SEL1L3: variants seen among roughly 807,000 people sequenced by gnomAD.
The protein encoded by SEL1L3 is protein sel-1 homolog 3.
SEL1L3 carries 76 observed loss-of-function variants against 142.8 expected under a neutral mutation model. The observed-to-expected ratio is 0.53, with a 90% CI of 0.44 to 0.64. SEL1L3 has a LOEUF of 0.64. Among genes scored for constraint, SEL1L3 ranks in the 30% least tolerant of loss-of-function variants. The probability of loss-of-function intolerance (pLI) is 0.00; values close to 1 mark genes in which losing one functional copy is unlikely to be tolerated. For synonymous variants in SEL1L3, 504 were observed against 519.6 expected (o/e 0.97, Z 0.41); for missense variants, 1,262 against 1,381.7 (o/e 0.91, Z 1.37).
chr4:25,780,494 A>G (rs1577591811), intron 15 of SEL1L3, among the ~76,000 whole-genome samples: 2 of 148,000 alleles, frequency 1.4e-5, no homozygotes, highest in Non-Finnish European at 3.0e-5. Context: ...TTTCCACTCC[A>G]CTCCCCTGGC....
chr4:25,799,394 G>A (rs527452932), intron 11 of SEL1L3, among the ~76,000 whole-genome samples: 1 of 152,196 alleles, frequency 6.6e-6, no homozygotes, highest in African/African-American at 2.4e-5. Flanking sequence ...TTTTTATAGG[G>A]ACACCAGTCC....
intron 23 of SEL1L3, among the ~76,000 whole-genome samples, chr4:25,752,433 A>AT (rs1473228822): frequency 6.6e-6 from 1 of 152,064 alleles, no homozygotes; most frequent in African/African-American, 2.4e-5. Flanking sequence ...AAAAAAAAAA[A>AT]AAAAAGTTGA....
chr4:25,767,463 C>T, intron 19 of SEL1L3, 62 bp downstream of exon 19: 1 of 831,980 alleles, frequency 1.2e-6, no homozygotes, highest in Non-Finnish European at 2.0e-6. Flanking sequence ...GTCAGATGTT[C>T]CCTGTTACTA....
chr4:25,722,856 A>G, the SEL1L3 span, among the ~76,000 whole-genome samples: 1 of 152,140 alleles, frequency 6.6e-6, no homozygotes, highest in African/African-American at 2.4e-5. Flanking sequence ...AACCATAAAT[A>G]ATAATAGTAT....
At chr4:25,749,370 T>A (rs1199392657) in intron 23 of SEL1L3, among the ~76,000 whole-genome samples, 8 of 147,502 alleles carry the variant, frequency 5.4e-5, no homozygotes, top group South Asian at 4.3e-4. Context: ...TTTTCTGATT[T>A]AAAAAAAAAA....
intron 13 of SEL1L3, among the ~76,000 whole-genome samples, chr4:25,784,666 G>C (rs1157095909): frequency 6.6e-6 from 1 of 152,188 alleles, no homozygotes; most frequent in Admixed American, 6.5e-5. Flanking sequence ...TATCTGTGTT[G>C]GACAGTCAAG....
chr4:25,782,509 T>A, intron 14 of SEL1L3, 91 bp from the exon 15 acceptor site: 1 of 1,145,562 alleles, frequency 8.7e-7, no homozygotes, highest in Non-Finnish European at 1.2e-6. Context: ...TCTGCCTAAG[T>A]CTGAACAAAA....
intron 16 of SEL1L3, chr4:25,778,040 A>G (rs560499455): frequency 6.7e-6 from 2 of 299,224 alleles, no homozygotes; most frequent in African/African-American, 2.2e-5. Flanking sequence ...ACCAAGCTAC[A>G]TTTCATCTAT....
intron 23 of SEL1L3, among the ~76,000 whole-genome samples, chr4:25,754,776 G>A (rs915025434): frequency 6.6e-6 from 1 of 152,044 alleles, no homozygotes; most frequent in Non-Finnish European, 1.5e-5. Context: ...TGATTCATAT[G>A]CACATTAAAA....
At position 25,767,732 on chromosome 4, in the gene SEL1L3, T is replaced by G. The variant is rs1246434556; in HGVS notation, c.2760+8A>C. 1.9e-6 allele frequency: 3 copies of G among 1,554,804 alleles called. No individual in the cohort carries two copies. The East Asian group carries it at 6.9e-5, about 36-fold the overall frequency. On this transcript the variant is annotated splice_region_variant and intron_variant, in intron 18 of 23. Coordinates refer to ENST00000399878, the MANE Select transcript of SEL1L3 (RefSeq NM_015187.5). The stretch of plus-strand genomic sequence containing the variant: ...AGCTTCTACTCTGAGAAGAATACAT[T>G]TACTTACTGGCCTCTCCTCACAGAT...
intron 11 of SEL1L3, among the ~76,000 whole-genome samples, chr4:25,798,268 CT>C: frequency 6.6e-6 from 1 of 152,240 alleles, no homozygotes; most frequent in South Asian, 2.1e-4. Context: ...ATCAACATCT[CT>C]AGAATGGGCA....
At chr4:25,726,821 C>T in the SEL1L3 span, among the ~76,000 whole-genome samples, 6 of 152,160 alleles carry the variant, frequency 3.9e-5, no homozygotes, top group African/African-American at 1.2e-4. Context: ...GCTTGTGAGA[C>T]GTGCTACAAC....
chr4:25,775,069 G>A (rs1214691651), intron 17 of SEL1L3, among the ~76,000 whole-genome samples: 1 of 152,204 alleles, frequency 6.6e-6, no homozygotes, highest in Non-Finnish European at 1.5e-5. Flanking sequence ...GGTTGGGAAA[G>A]CGAGAAGCAG....
At chr4:25,723,367 T>C in the SEL1L3 span, among the ~76,000 whole-genome samples, 2 of 152,218 alleles carry the variant, frequency 1.3e-5, no homozygotes, top group East Asian at 1.9e-4. Flanking sequence ...CCAGCCCAGC[T>C]GAGTCCAGCT....
intron 11 of SEL1L3, among the ~76,000 whole-genome samples, chr4:25,792,965 G>A (rs1478042504): frequency 3.9e-5 from 6 of 152,132 alleles, no homozygotes; most frequent in African/African-American, 1.4e-4. Context: ...ATATTCTTAG[G>A]TCTTTCTGTC....
chr4:25,845,381 C>T (rs565356356), intron 2 of SEL1L3, among the ~76,000 whole-genome samples: 11 of 152,128 alleles, frequency 7.2e-5, no homozygotes, highest in Admixed American at 2.6e-4. Context: ...CCATGGTCCC[C>T]GCTACTCAGG....
chr4:25,776,821 A>G (rs1269206418), intron 16 of SEL1L3: 2 of 147,570 alleles, frequency 1.4e-5, no homozygotes, highest in Non-Finnish European at 3.0e-5. Flanking sequence ...AAGCTAACAG[A>G]AGGGGAAGTA....
chr4:25,746,246 G>A (rs1489847059), downstream of SEL1L3, among the ~76,000 whole-genome samples: 2 of 151,878 alleles, frequency 1.3e-5, no homozygotes, highest in African/African-American at 2.4e-5. Flanking sequence ...GGCCAGGCGC[G>A]GTGACTCACG....
chr4:25,749,090 G>T (rs539622956), intron 23 of SEL1L3, among the ~76,000 whole-genome samples: 11 of 152,284 alleles, frequency 7.2e-5, no homozygotes, highest in African/African-American at 9.6e-5. Flanking sequence ...AACTGGGTTG[G>T]ACAAGCCTCA....
Sources: gnomAD v4.1 joint callset for allele counts (sites outside exome capture counted in the v4.1 genomes callset) on GRCh38, gnomAD v4.1.1 for gene constraint, MANE v1.5 for transcripts, NCBI Gene and HGNC (gene_info 2026-07-23, HGNC 2026-07-21) for gene names.